The following LHFPL2 variants were observed in gnomAD, a reference collection of about 807,000 sequenced individuals.
LHFPL2 encodes LHFPL tetraspan subfamily member 2 protein.
A neutral mutation model predicts 17.5 loss-of-function variants in LHFPL2; 7 were observed. The ratio of observed to expected loss-of-function variants is 0.40; its 90% CI spans 0.23 to 0.75. The LOEUF (loss-of-function observed/expected upper bound fraction) is 0.75. Among genes scored for constraint, LHFPL2 ranks in the 30% least tolerant of loss-of-function variants. LHFPL2 has a pLI of 0.37. For synonymous variants in LHFPL2, 134 were observed against 116.2 expected (o/e 1.15, Z -0.99); for missense variants, 241 against 294.8 (o/e 0.82, Z 1.34).
chr5:78,570,385 G>A (rs1368506345), intron 2 of LHFPL2, among the ~76,000 whole-genome samples: 1 of 152,114 alleles, frequency 6.6e-6, no homozygotes, highest in African/African-American at 2.4e-5. Context: ...AGGCAGCAAT[G>A]GAGCACAGAG....
intron 2 of LHFPL2, among the ~76,000 whole-genome samples, chr5:78,572,525 T>C (rs1580818314): frequency 6.6e-6 from 1 of 150,896 alleles, no homozygotes; most frequent in Non-Finnish European, 1.5e-5. Context: ...CACACATATA[T>C]ATATATACAC....
intron 2 of LHFPL2, among the ~76,000 whole-genome samples, chr5:78,577,123 C>T (rs1329278060): frequency 6.6e-6 from 1 of 152,178 alleles, no homozygotes; most frequent in East Asian, 1.9e-4. Flanking sequence ...CCTAAATTTC[C>T]ACAAGCAACA....
Position 78,567,374 on chromosome 5 carries a change from T to A in LHFPL2, c.-244-2503A>T, listed in dbSNP as rs939245668. On this transcript the variant is annotated intron_variant, in intron 2 of 4. Coordinates refer to ENST00000380345, the MANE Select transcript of LHFPL2 (RefSeq NM_005779.3). ...CAGGGTGTGATTTTCATTTTTTTTTTAAATATGCTATTTCGAAAATACAGT... is the reference window on the plus strand; with the variant it reads ...CAGGGTGTGATTTTCATTTTTTTTTAAAATATGCTATTTCGAAAATACAGT... Among the ~76,000 whole-genome samples the A allele has an allele frequency of 5.3e-5, 8 of 152,138 alleles. No individual in the cohort carries two copies. The South Asian group carries it at 6.2e-4, about 12-fold the overall frequency.
At chr5:78,600,258 GCT>G (rs1467519263) in intron 2 of LHFPL2, among the ~76,000 whole-genome samples, 1 of 150,680 alleles carries the variant, frequency 6.6e-6, no homozygotes, top group Non-Finnish European at 1.5e-5. Context: ...TCTAACAAAA[GCT>G]CTGTTATTTC....
intron 2 of LHFPL2, among the ~76,000 whole-genome samples, chr5:78,589,890 G>A (rs1743565955): frequency 6.6e-6 from 1 of 152,176 alleles, no homozygotes; most frequent in Admixed American, 6.5e-5. Flanking sequence ...GATGCACCAA[G>A]GATTGGTTCA....
At chr5:78,532,304 C>T (rs779758841) in intron 3 of LHFPL2, among the ~76,000 whole-genome samples, 50 of 152,184 alleles carry the variant, frequency 3.3e-4, no homozygotes, top group Non-Finnish European at 6.6e-4. Context: ...AAGCGATCCA[C>T]CTGCCTTGGC....
chr5:78,491,427 A>G (rs941614269), intron 4 of LHFPL2: 3 of 152,428 alleles, frequency 2.0e-5, no homozygotes, highest in Non-Finnish European at 2.9e-5. Flanking sequence ...CAGTTCCCCC[A>G]AGGCTAAGGC....
At chr5:78,559,275 T>C (rs1756662029) in intron 3 of LHFPL2, among the ~76,000 whole-genome samples, 1 of 152,244 alleles carries the variant, frequency 6.6e-6, no homozygotes, top group Non-Finnish European at 1.5e-5. Flanking sequence ...TAAGCCCCCA[T>C]TCACTCTTCA....
chr5:78,611,592 G>A (rs977844251), intron 2 of LHFPL2, among the ~76,000 whole-genome samples: 1 of 152,160 alleles, frequency 6.6e-6, no homozygotes, highest in Non-Finnish European at 1.5e-5. Flanking sequence ...GGCAGAAGGA[G>A]CCCAGAGGCA....
chr5:78,502,892 T>C (rs1001898143), intron 4 of LHFPL2, among the ~76,000 whole-genome samples: 6 of 152,238 alleles, frequency 3.9e-5, no homozygotes, highest in African/African-American at 1.4e-4. Flanking sequence ...TTGAAATTAC[T>C]TAAGAGTTGT....
intron 2 of LHFPL2, among the ~76,000 whole-genome samples, chr5:78,582,299 G>A (rs1348807907): frequency 3.2e-3 from 442 of 140,088 alleles, no homozygotes; most frequent in Middle Eastern, 6.9e-3. Flanking sequence ...GTTCTGCTCT[G>A]ATTTTAGTTA....
rs142074962 is a variant in LHFPL2 at position 78,516,522 on chromosome 5, A to G, written c.-185-6124T>C. On this transcript the variant is annotated intron_variant, in intron 3 of 4. Coordinates refer to ENST00000380345, the MANE Select transcript of LHFPL2 (RefSeq NM_005779.3). ...GTCAAACAAAAATTACCTGGCCCCA[A>G]ATGTCAGTATCGTCAATGTTGAGAA... is the stretch of plus-strand genomic sequence containing the variant. 2.6e-3 allele frequency among the ~76,000 whole-genome samples: 395 copies of G among 152,222 alleles called. 1 individual carries two copies. The highest frequency in any genetic ancestry group is 9.2e-3 in the African/African-American group (380 of 41,530).
At chr5:78,627,300 G>A (rs1745079609) in intron 2 of LHFPL2, among the ~76,000 whole-genome samples, 1 of 151,980 alleles carries the variant, frequency 6.6e-6, no homozygotes, top group Non-Finnish European at 1.5e-5. Context: ...ACCAGCAACT[G>A]CCTAGGGCTG....
rs528842584 is a variant in LHFPL2, at chr5:78,558,754, T to C, written c.-186+6059A>G. Among the ~76,000 whole-genome samples, 11 of 152,350 alleles carry C rather than the reference T, an allele frequency of 7.2e-5. No homozygotes were observed. In the East Asian group the frequency reaches 7.7e-4, roughly 11 times the overall value. ...CAGAAGGCCAGAATCTACCGGAACA[T>C]GGGCACTCCGGTCACATCAACACTG... On this transcript the variant is annotated intron_variant, in intron 3 of 4. Coordinates refer to ENST00000380345, the MANE Select transcript of LHFPL2 (RefSeq NM_005779.3).
chr5:78,631,722 G>A (rs1358970840), intron 2 of LHFPL2, among the ~76,000 whole-genome samples: 1 of 152,196 alleles, frequency 6.6e-6, no homozygotes, highest in Non-Finnish European at 1.5e-5. Flanking sequence ...GATCACTTGA[G>A]GTCAGGAGTT....
rs377505058 is a variant in LHFPL2 at position 78,566,092 on chromosome 5, AT to A, written c.-244-1222del. Among the ~76,000 whole-genome samples the A allele has an allele frequency of 2.0e-3, 298 of 152,372 alleles. 1 individual carries two copies. The highest frequency in any genetic ancestry group is 6.7e-3 in the African/African-American group (277 of 41,592). ...AAATATGTAATTCCACATAAGGTAA[AT>A]TAAACAGAAAATATTCAACAGCCTC... On this transcript the variant is annotated intron_variant, in intron 2 of 4. Transcript: ENST00000380345.
At chr5:78,511,086 CTAAT>C (rs1393867974) in intron 3 of LHFPL2, among the ~76,000 whole-genome samples, 1 of 136,664 alleles carries the variant, frequency 7.3e-6, no homozygotes, top group African/African-American at 2.7e-5. Flanking sequence ...ATAATTTACA[CTAAT>C]TAAAACTCAG....
intron 2 of LHFPL2, among the ~76,000 whole-genome samples, chr5:78,615,844 GTCC>G (rs1185249777): frequency 6.6e-6 from 1 of 152,038 alleles, no homozygotes; most frequent in Non-Finnish European, 1.5e-5. Flanking sequence ...TCCTCAGCCT[GTCC>G]TCTCTTTTCG....
chr5:78,613,148 G>A (rs922657761), intron 2 of LHFPL2, among the ~76,000 whole-genome samples: 1 of 152,202 alleles, frequency 6.6e-6, no homozygotes, highest in Non-Finnish European at 1.5e-5. Flanking sequence ...AGAATATACT[G>A]CTTAGAGGTC....
Sources: gnomAD v4.1 joint callset for allele counts (sites outside exome capture counted in the v4.1 genomes callset) on GRCh38, gnomAD v4.1.1 for gene constraint, MANE v1.5 for transcripts, NCBI Gene and HGNC (gene_info 2026-07-23, HGNC 2026-07-21) for gene names.